DNAH10: variants seen among roughly 807,000 people sequenced by gnomAD.
DNAH10 encodes dynein axonemal heavy chain 10.
A neutral mutation model predicts 506.6 loss-of-function variants in DNAH10; 348 were observed. That is an observed-to-expected ratio of 0.69 (90% confidence interval 0.63 to 0.75). The LOEUF (loss-of-function observed/expected upper bound fraction) is 0.75, where lower values mean the gene tolerates loss of function less well. Among genes scored for constraint, DNAH10 ranks in the 30% least tolerant of loss-of-function variants. DNAH10 has a pLI of 0.00. For missense variants in DNAH10, 5,179 were observed against 5,787.1 expected, an observed-to-expected ratio of 0.89 and a Z score of 3.41; for synonymous variants, 2,059 against 2,198.6, an observed-to-expected ratio of 0.94 and a Z score of 1.78.
chr12:123,883,454 G>A (rs368149226), intron 51 of DNAH10, among the ~76,000 whole-genome samples: 2 of 152,166 alleles, frequency 1.3e-5, no homozygotes, highest in African/African-American at 4.8e-5. Flanking sequence ...GATGTAATTT[G>A]AAGAAGAGTC....
intron 16 of DNAH10, among the ~76,000 whole-genome samples, chr12:123,803,340 A>G (rs1013725979): frequency 1.3e-5 from 2 of 152,192 alleles, no homozygotes; most frequent in Admixed American, 1.3e-4. Context: ...CAGGTGGTGC[A>G]GAGTGGAGGT....
intron 33 of DNAH10, 129 bp from the exon 34 acceptor site, chr12:123,848,601 T>TG (rs1291099237): frequency 1.4e-5 from 18 of 1,303,852 alleles, no homozygotes; most frequent in Non-Finnish European, 1.8e-5. Flanking sequence ...GTCAAGTGGC[T>TG]GGTCACCTGC....
rs565459006 is a variant in DNAH10, at chr12:123,922,348, CAACA to C, written c.11507-1404_11507-1401del. ...CCGAGATCGCGCCACTGCACAAAAA[CAACA>C]AACAAACAAAAAAACTCACCATTTC... On this transcript the variant is annotated intron_variant, in intron 65 of 78. Coordinates refer to ENST00000673944, the MANE Select transcript of DNAH10 (RefSeq NM_001372106.1). Among the ~76,000 whole-genome samples, 145 of 152,184 alleles carry C rather than the reference CAACA, an allele frequency of 9.5e-4. 1 individual carries two copies. In the Middle Eastern group the frequency reaches 0.02, roughly 21 times the overall value.
At position 123,762,688 on chromosome 12, in the gene DNAH10, C is replaced by A; in HGVS notation, c.214+138C>A. 1 of 857,762 alleles carries A rather than the reference C, an allele frequency of 1.2e-6. No homozygotes were observed. Among genetic ancestry groups the A allele is most frequent in the Non-Finnish European group, 1.7e-6 (1 of 595,514 alleles). The allele number at this position is 857,762 out of a possible 1,614,324, so 53.1% of individuals were successfully genotyped here. A position where few individuals can be genotyped will look rare whatever the true frequency, so the allele number is the denominator to read the frequency against. ...TGCTGTCCACAAACGCTGCCGCCCG[C>A]CACGTGCAGGCCCCGGGCGAACCCA... On this transcript the variant is annotated intron_variant, in intron 1 of 78. Coordinates refer to ENST00000673944, the MANE Select transcript of DNAH10 (RefSeq NM_001372106.1). The surrounding 1 kb of genome is among the most constrained non-coding windows in gnomAD (Gnocchi z 5.0).
chr12:123,912,384 G>A (rs1442586160), intron 59 of DNAH10, among the ~76,000 whole-genome samples: 13 of 32,716 alleles, frequency 4.0e-4, no homozygotes, highest in African/African-American at 6.0e-4. Flanking sequence ...GGTCTGTCCC[G>A]GGGGGGTCTG....
rs774655774 is a variant in DNAH10 at position 123,845,695 on chromosome 12, A to C, written c.5456A>C (p.Gln1819Pro). 2 of 1,613,914 alleles carry C rather than the reference A, an allele frequency of 1.2e-6. No individual in the cohort carries two copies. Among genetic ancestry groups the C allele is most frequent in the East Asian group, 2.2e-5 (1 of 44,870 alleles). The change falls in exon 31 of 79, where the codon CAA (glutamine) becomes CCA (proline). Residue 1819 changes from glutamine (Q) to proline (P), a missense_variant. Physicochemically the swap from Gln to Pro is moderately conservative, Grantham distance 76. Coordinates refer to ENST00000673944, the MANE Select transcript of DNAH10 (RefSeq NM_001372106.1). ...GTGGAAGACGTCTTCCACAAAGCGC[A>C]AAAAGGGGAGAAGCAGGCCATGAAG... is the stretch of plus-strand genomic sequence containing the variant. Reference protein sequence around the residue: ...WEVEDVFHKAQKGEKQAMKNY... With the variant: ...WEVEDVFHKAPKGEKQAMKNY...
chr12:123,831,086 G>T (rs1960496234), intron 26 of DNAH10, among the ~76,000 whole-genome samples: 2 of 151,524 alleles, frequency 1.3e-5, no homozygotes, highest in African/African-American at 4.9e-5. Context: ...ATTTTCCATT[G>T]TTTAAAAAAA....
Position 123,907,634 on chromosome 12 carries a change from C to T in DNAH10, c.9816-1627C>T, listed in dbSNP as rs1057008037. Among the ~76,000 whole-genome samples, 3 of 152,186 alleles carry T rather than the reference C, an allele frequency of 2.0e-5. No homozygotes were observed. Among genetic ancestry groups the T allele is most frequent in the African/African-American group, 2.4e-5 (1 of 41,446 alleles). On this transcript the variant is annotated intron_variant, in intron 57 of 78. Coordinates refer to ENST00000673944, the MANE Select transcript of DNAH10 (RefSeq NM_001372106.1). This position sits in a 1 kb window ranked among gnomAD's most constrained non-coding sequence, Gnocchi z 4.4. Reference sequence around the variant, plus strand: ...TCTACTTCACAGATGGGGAAACTGACGCCCTGGCTGGTTCCTAACTTGCCC... The same window carrying T: ...TCTACTTCACAGATGGGGAAACTGATGCCCTGGCTGGTTCCTAACTTGCCC...
At chr12:123,792,451 C>CTTTTT (rs78654407) in intron 11 of DNAH10, among the ~76,000 whole-genome samples, 16 of 133,454 alleles carry the variant, frequency 1.2e-4, no homozygotes, top group Non-Finnish European at 1.7e-4. Flanking sequence ...TTCCTTTGTC[C>CTTTTT]TTTTTTTTTT....
chr12:123,851,874 A>G (rs1284458122), intron 35 of DNAH10, among the ~76,000 whole-genome samples: 1 of 152,138 alleles, frequency 6.6e-6, no homozygotes, highest in East Asian at 1.9e-4. Context: ...CCTGGGCTCA[A>G]GTGATCTTCC....
intron 18 of DNAH10, among the ~76,000 whole-genome samples, chr12:123,806,080 C>T (rs1215079921): frequency 2.0e-5 from 3 of 151,968 alleles, no homozygotes; most frequent in South Asian, 2.1e-4. Flanking sequence ...CCGGCCACCC[C>T]GCCTGACATT....
chr12:123,781,447 C>A, intron 6 of DNAH10, 148 bp downstream of exon 6: 1 of 767,882 alleles, frequency 1.3e-6, no homozygotes, highest in Non-Finnish European at 2.1e-6. Context: ...GTCGCTCAGG[C>A]TGGCAAAAAT....
intron 11 of DNAH10, 110 bp downstream of exon 11, chr12:123,790,231 T>A: frequency 9.1e-7 from 1 of 1,103,038 alleles, no homozygotes; most frequent in Non-Finnish European, 1.3e-6. Flanking sequence ...AAATCACAAG[T>A]AATACCTGCT....
In DNAH10 at chr12:123,762,504, C is replaced by G. The variant is rs371020253; in HGVS notation, c.168C>G (p.Leu56=). The G allele has an allele frequency of 9.1e-6, 14 of 1,539,162 alleles. No individual in the cohort carries two copies. The highest frequency in any genetic ancestry group is 7.0e-5 in the African/African-American group (5 of 71,778). The part of the protein sequence containing the change: ...QASEEEGPSA[L]FIYRTMVPEE... ...GCGAGGAGGAGGGGCCCTCGGCGCT[C>G]TTCATCTACCGCACTATGGTGCCGG... is the stretch of plus-strand genomic sequence containing the variant. The change falls in exon 1 of 79, where the codon CTC becomes CTG. Residue 56 remains leucine, a synonymous_variant. Coordinates refer to ENST00000673944, the MANE Select transcript of DNAH10 (RefSeq NM_001372106.1). This position sits in a 1 kb window ranked among gnomAD's most constrained non-coding sequence, Gnocchi z 5.0.
At position 123,822,516 on chromosome 12, in the gene DNAH10, C is replaced by G. The variant is rs573734640; in HGVS notation, c.4179+1758C>G. Among the ~76,000 whole-genome samples, 4 of 152,244 alleles carry G rather than the reference C, an allele frequency of 2.6e-5. No homozygotes were observed. In the East Asian group the frequency reaches 5.8e-4, roughly 22 times the overall value. On this transcript the variant is annotated intron_variant, in intron 24 of 78. Transcript: ENST00000673944. Reference sequence around the variant, plus strand: ...CTGTATCTATAACCTGTATCTATACCTGTATCTATATCTAATCTACATCTG... The same window carrying G: ...CTGTATCTATAACCTGTATCTATACGTGTATCTATATCTAATCTACATCTG...
chr12:123,819,195 T>G lies in DNAH10; in HGVS notation c.3945T>G (p.Phe1315Leu), dbSNP rs2136402269. 6.8e-6 allele frequency: 11 copies of G among 1,613,724 alleles called. No individual in the cohort carries two copies. The highest frequency in any genetic ancestry group is 9.3e-6 in the Non-Finnish European group (11 of 1,179,812). ...ACTACAGAGTTCAGATAGAGGAGTT[T>G]GCAAAGCGTTTTTACAGTGAAGGCC... ...IMNYRVQIEE[F>L]AKRFYSEGPG... Residue 1315 changes from phenylalanine (F) to leucine (L), a missense_variant, in exon 23 of 79, where the codon TTT becomes TTG. Around this residue, in one of 3 missense-constraint regions of DNAH10, gnomAD observed 4,844 missense variants for 5,430.5 expected, o/e 0.89. Coordinates refer to ENST00000673944, the MANE Select transcript of DNAH10 (RefSeq NM_001372106.1).
chr12:123,856,170 T>A (rs944062564), intron 36 of DNAH10, among the ~76,000 whole-genome samples: 26 of 147,308 alleles, frequency 1.8e-4, no homozygotes, highest in African/African-American at 6.4e-4. Flanking sequence ...ATATAATTAA[T>A]TTATATGAAT....
At chr12:123,827,457 C>T (rs1247458738) in intron 25 of DNAH10, among the ~76,000 whole-genome samples, 1 of 152,230 alleles carries the variant, frequency 6.6e-6, no homozygotes, top group Admixed American at 6.5e-5. Context: ...GTTTCAAGTG[C>T]TCCATAGACA....
chr12:123,838,745 T>G (rs1416213989), intron 29 of DNAH10, 56 bp downstream of exon 29: 2 of 1,492,212 alleles, frequency 1.3e-6, no homozygotes, highest in Non-Finnish European at 1.8e-6. Flanking sequence ...CCGCCTTCGG[T>G]CCTCCCTGGT....
Sources: allele counts gnomAD v4.1 joint callset (sites outside exome capture counted in the v4.1 genomes callset), GRCh38; gene constraint gnomAD v4.1.1; regional missense constraint gnomAD v4.1.1; non-coding constraint Gnocchi (gnomAD v3.1); transcripts MANE v1.5; gene names NCBI Gene and HGNC (gene_info 2026-07-23, HGNC 2026-07-21).